Variants in PNKD observed in about 807,000 individuals in gnomAD.
The protein encoded by PNKD is PNKD metallo-beta-lactamase domain containing.
PNKD carries 36 observed loss-of-function variants against 45.3 expected under a neutral mutation model. The ratio of observed to expected loss-of-function variants is 0.80; its 90% CI spans 0.61 to 1.05. The LOEUF is 1.05. PNKD is among the 50% of genes least tolerant of loss of function. PNKD has a pLI of 0.00. For synonymous variants in PNKD, 197 were observed against 210.1 expected (o/e 0.94, Z 0.54); for missense variants, 511 against 506.6 (o/e 1.01, Z -0.08).
At chr2:218,277,366 C>G (rs1362937203) in intron 2 of PNKD, 2 of 1,614,080 alleles carry the variant, frequency 1.2e-6, no homozygotes, top group Admixed American at 3.3e-5. Flanking sequence ...ATGCCCTCAC[C>G]TTGGTCTGAA....
intron 2 of PNKD, chr2:218,280,359 CCTG>C (rs1691773237): frequency 2.1e-6 from 1 of 472,714 alleles, no homozygotes; most frequent in African/African-American, 2.0e-5. Flanking sequence ...GTGGAGGGCT[CCTG>C]TGTGCCCAGC....
chr2:218,315,843 G>A (rs1342617206), intron 2 of PNKD, among the ~76,000 whole-genome samples: 1 of 152,206 alleles, frequency 6.6e-6, no homozygotes, highest in Non-Finnish European at 1.5e-5. Flanking sequence ...CTCTGTCACT[G>A]TTAACTATTA....
intron 2 of PNKD, among the ~76,000 whole-genome samples, chr2:218,290,467 G>T (rs1692861722): frequency 6.6e-6 from 1 of 152,176 alleles, no homozygotes; most frequent in Admixed American, 6.5e-5. Flanking sequence ...GCAGTCACAT[G>T]AAGTACTAGA....
intron 2 of PNKD, among the ~76,000 whole-genome samples, chr2:218,314,573 T>A (rs1191024715): frequency 6.6e-6 from 1 of 152,188 alleles, no homozygotes; most frequent in African/African-American, 2.4e-5. Context: ...GTTTTCACAT[T>A]TTTTCATATT....
chr2:218,323,307 G>C, intron 2 of PNKD: 1 of 1,558,036 alleles, frequency 6.4e-7, no homozygotes, highest in Non-Finnish European at 8.6e-7. Flanking sequence ...GCAGTGGGTC[G>C]CCGGCTGCTG....
chr2:218,299,299 G>A (rs1395014982), intron 2 of PNKD, among the ~76,000 whole-genome samples: 3 of 151,984 alleles, frequency 2.0e-5, no homozygotes, highest in African/African-American at 7.3e-5. Flanking sequence ...CCGCCACCAG[G>A]CCCAGCTAAT....
chr2:218,334,344 C>T (rs1466376108), intron 2 of PNKD, among the ~76,000 whole-genome samples: 4 of 152,024 alleles, frequency 2.6e-5, no homozygotes, highest in Non-Finnish European at 4.4e-5. Flanking sequence ...ATCTAGAATC[C>T]AGTCCAGAAT....
chr2:218,331,687 C>G (rs763264192), intron 2 of PNKD, among the ~76,000 whole-genome samples: 2 of 152,088 alleles, frequency 1.3e-5, no homozygotes, highest in African/African-American at 2.4e-5. Context: ...AGACTGGTCT[C>G]CAACTCCTGA....
At chr2:218,283,065 T>C (rs922720723) in intron 2 of PNKD, among the ~76,000 whole-genome samples, 1 of 152,106 alleles carries the variant, frequency 6.6e-6, no homozygotes, top group African/African-American at 2.4e-5. Flanking sequence ...CTACCTGTCT[T>C]CCAGGTGCAG....
intron 2 of PNKD, among the ~76,000 whole-genome samples, chr2:218,299,768 C>G (rs1437695033): frequency 6.6e-6 from 1 of 151,638 alleles, no homozygotes; most frequent in East Asian, 1.9e-4. Context: ...ATTACAGGCA[C>G]GTACCACCAC....
intron 2 of PNKD, among the ~76,000 whole-genome samples, chr2:218,327,630 G>C (rs1483996371): frequency 6.6e-6 from 1 of 152,080 alleles, no homozygotes; most frequent in Non-Finnish European, 1.5e-5. Context: ...ATTGCCGACA[G>C]TATGGAGCCA....
At chr2:218,286,495 A>C (rs2382817) in intron 2 of PNKD, 92,741 of 151,968 alleles carry the variant, frequency 0.61, 28,373 homozygotes, top group South Asian at 0.64. Flanking sequence ...CTCCTCTCTC[A>C]GGGCCCCAGT....
chr2:218,280,095 T>G (rs761244373), intron 2 of PNKD: 1 of 1,614,018 alleles, frequency 6.2e-7, no homozygotes, highest in Non-Finnish European at 8.5e-7. Flanking sequence ...CACTCACTGC[T>G]CTCTCCTCCC....
At chr2:218,320,928 A>G (rs1447990172) in intron 2 of PNKD, among the ~76,000 whole-genome samples, 1 of 152,240 alleles carries the variant, frequency 6.6e-6, no homozygotes, top group African/African-American at 2.4e-5. Context: ...GAAGTCTTCC[A>G]GAACAGTCTA....
rs115888288 is a variant in PNKD, at chr2:218,321,359, C to A, written c.237-18424C>A. 8.7e-3 allele frequency among the ~76,000 whole-genome samples: 1,331 copies of A among 152,216 alleles called. 26 individuals are homozygous for A. Among genetic ancestry groups the A allele is most frequent in the African/African-American group, 0.031 (1,267 of 41,536 alleles). ...AATTGGCTTATCAGTTTTCTCACTC[C>A]TCTGTCTCCTCTGCGGTACCAGCCC... On this transcript the variant is annotated intron_variant, in intron 2 of 9. Transcript: ENST00000273077.
At chr2:218,307,720 T>C (rs902817526) in intron 2 of PNKD, among the ~76,000 whole-genome samples, 1 of 152,120 alleles carries the variant, frequency 6.6e-6, no homozygotes, top group Non-Finnish European at 1.5e-5. Flanking sequence ...CTTGTGGACA[T>C]TTCTCCTTTG....
At chr2:218,302,635 G>T (rs1357251481) in intron 2 of PNKD, among the ~76,000 whole-genome samples, 2 of 152,188 alleles carry the variant, frequency 1.3e-5, no homozygotes, top group African/African-American at 4.8e-5. Flanking sequence ...GGTCTACAGA[G>T]TCTCAGGGCC....
intron 2 of PNKD, chr2:218,279,369 C>G: frequency 6.5e-7 from 1 of 1,542,178 alleles, no homozygotes; most frequent in South Asian, 1.3e-5. Context: ...CACAGACGGC[C>G]GGGCATGGGT....
At chr2:218,275,903 G>T in intron 2 of PNKD, 3 of 1,193,800 alleles carry the variant, frequency 2.5e-6, no homozygotes, top group East Asian at 2.5e-5. Context: ...GGACAGTAGT[G>T]AGAGGAATGG....
Sources: gnomAD v4.1 joint callset for allele counts (sites outside exome capture counted in the v4.1 genomes callset) on GRCh38, gnomAD v4.1.1 for gene constraint, MANE v1.5 for transcripts, NCBI Gene and HGNC (gene_info 2026-07-23, HGNC 2026-07-21) for gene names.